Variants in DNAAF11 observed in about 807,000 individuals in gnomAD.
DNAAF11 encodes dynein axonemal assembly factor 11, also known as leucine rich repeat containing 6.
DNAAF11 carries 45 observed loss-of-function variants against 60.8 expected under a neutral mutation model. The observed-to-expected ratio is 0.74, with a 90% CI of 0.58 to 0.95. The LOEUF is 0.95. DNAAF11 is among the 40% of genes least tolerant of loss of function. DNAAF11 has a pLI of 0.00. For synonymous variants in DNAAF11, 191 were observed against 183.5 expected, an observed-to-expected ratio of 1.04 and a Z score of -0.33; for missense variants, 546 against 546.2, an observed-to-expected ratio of 1.00 and a Z score of 0.00.
intron 5 of DNAAF11, among the ~76,000 whole-genome samples, chr8:132,631,626 G>A (rs1396365667): frequency 6.6e-6 from 1 of 152,152 alleles, no homozygotes; most frequent in Admixed American, 6.6e-5. Flanking sequence ...ACACGCACCA[G>A]CTTCAGGATA....
At chr8:132,669,539 A>G (rs1001836775) in intron 1 of DNAAF11, among the ~76,000 whole-genome samples, 16 of 152,210 alleles carry the variant, frequency 1.1e-4, no homozygotes, top group Admixed American at 2.0e-4. Context: ...GCTAAACACA[A>G]CTGATCAGGA....
Position 132,610,228 on chromosome 8 carries a change from G to T in DNAAF11, c.1078C>A (p.Pro360Thr), listed in dbSNP as rs377333737. The change falls in exon 10 of 12, where the codon CCC (proline) becomes ACC (threonine). Residue 360 changes from proline to threonine, a missense_variant. Transcript: ENST00000620350. ...GATCTTTTAGCAGAACTACTATCGGGTTTCACTTCTGCAGGAAGGACAAGC... is the reference window on the plus strand; with the variant it reads ...GATCTTTTAGCAGAACTACTATCGGTTTTCACTTCTGCAGGAAGGACAAGC... ...FQLVLPAEVK[P>T]DSSSAKRSQT... 2 of 1,613,708 alleles carry T rather than the reference G, an allele frequency of 1.2e-6. No individual in the cohort carries two copies. Among genetic ancestry groups the T allele is most frequent in the East Asian group, 2.2e-5 (1 of 44,880 alleles).
the DNAAF11 span, among the ~76,000 whole-genome samples, chr8:132,701,221 G>A: frequency 6.6e-6 from 1 of 152,074 alleles, no homozygotes; most frequent in Admixed American, 6.6e-5. Flanking sequence ...CATAGCACTG[G>A]GATACAGAAC....
chr8:132,698,734 G>A, the DNAAF11 span, among the ~76,000 whole-genome samples: 1 of 151,920 alleles, frequency 6.6e-6, no homozygotes, highest in Non-Finnish European at 1.5e-5. Flanking sequence ...AGAACAGAGA[G>A]GAACCAAGAA....
intron 1 of DNAAF11, among the ~76,000 whole-genome samples, chr8:132,674,037 C>CAGGAGGAGG (rs1825444669): frequency 7.8e-6 from 1 of 128,318 alleles, no homozygotes; most frequent in African/African-American, 3.1e-5. Flanking sequence ...GCAGGAGGAG[C>CAGGAGGAGG]AGGAGCAGAA....
chr8:132,702,767 G>T, the DNAAF11 span, among the ~76,000 whole-genome samples: 20,939 of 152,082 alleles, frequency 0.14, 4,114 homozygotes, highest in African/African-American at 0.44. Flanking sequence ...GAAATCGCTT[G>T]TCCAAAGTGA....
intron 11 of DNAAF11, among the ~76,000 whole-genome samples, chr8:132,579,082 G>C (rs1815056676): frequency 6.6e-6 from 1 of 152,240 alleles, no homozygotes; most frequent in Non-Finnish European, 1.5e-5. Flanking sequence ...TACAGCAGCT[G>C]TTGGTTAAAA....
the DNAAF11 span, among the ~76,000 whole-genome samples, chr8:132,698,427 T>C: frequency 6.6e-6 from 1 of 152,206 alleles, no homozygotes; most frequent in Non-Finnish European, 1.5e-5. Flanking sequence ...CCAGGGTTTC[T>C]ATGCTGACTC....
In DNAAF11 at chr8:132,622,705, G is replaced by A; in HGVS notation, c.837-17C>T. The A allele has an allele frequency of 1.3e-6, 2 of 1,566,370 alleles. No individual in the cohort carries two copies. The highest frequency in any genetic ancestry group is 1.4e-5 in the African/African-American group (1 of 74,000). Reference sequence around the variant, plus strand: ...TTTTTTTCACTTAAGATTGGTGGTGGATGAGAACAATGGGCAGCATGGAAA... The same window carrying A: ...TTTTTTTCACTTAAGATTGGTGGTGAATGAGAACAATGGGCAGCATGGAAA... On this transcript the variant is annotated splice_polypyrimidine_tract_variant and intron_variant, in intron 6 of 11. Coordinates refer to ENST00000620350, the MANE Select transcript of DNAAF11 (RefSeq NM_012472.6).
chr8:132,662,533 A>G (rs1402875624), intron 1 of DNAAF11, among the ~76,000 whole-genome samples: 1 of 152,184 alleles, frequency 6.6e-6, no homozygotes, highest in Non-Finnish European at 1.5e-5. Flanking sequence ...ACCCCAGGAG[A>G]TAATAAAGAC....
chr8:132,622,372 A>G (rs541355969), intron 7 of DNAAF11, among the ~76,000 whole-genome samples: 2 of 152,330 alleles, frequency 1.3e-5, no homozygotes, highest in East Asian at 1.9e-4. Flanking sequence ...TACATAAATA[A>G]CTAAGATCTC....
At chr8:132,616,889 C>A (rs1819215056) in intron 7 of DNAAF11, among the ~76,000 whole-genome samples, 1 of 152,138 alleles carries the variant, frequency 6.6e-6, no homozygotes, top group South Asian at 2.1e-4. Context: ...AGACCCTATT[C>A]CTATGTCCTT....
At chr8:132,583,037 A>T (rs1240554808) in intron 11 of DNAAF11, among the ~76,000 whole-genome samples, 1 of 152,196 alleles carries the variant, frequency 6.6e-6, no homozygotes, top group African/African-American at 2.4e-5. Context: ...TAGGAATCAA[A>T]GAGAGACAGA....
intron 8 of DNAAF11, among the ~76,000 whole-genome samples, chr8:132,611,792 CT>C (rs1351300002): frequency 1.3e-5 from 2 of 152,088 alleles, no homozygotes; most frequent in African/African-American, 4.8e-5. Flanking sequence ...TGCAGCTGCC[CT>C]AATACTATCT....
At chr8:132,653,407 A>G (rs1823225203) in intron 3 of DNAAF11, among the ~76,000 whole-genome samples, 1 of 152,116 alleles carries the variant, frequency 6.6e-6, no homozygotes, top group Non-Finnish European at 1.5e-5. Flanking sequence ...TTTTAGGCTG[A>G]AATGAAAAGA....
At chr8:132,652,188 G>A (rs1823085534) in intron 3 of DNAAF11, among the ~76,000 whole-genome samples, 1 of 152,172 alleles carries the variant, frequency 6.6e-6, no homozygotes, top group African/African-American at 2.4e-5. Flanking sequence ...ACTCTAAAGT[G>A]AAGTCTGCTA....
rs1179838062 is a variant in DNAAF11 at position 132,600,017 on chromosome 8, G to A, written c.1140+10149C>T. Among the ~76,000 whole-genome samples the A allele has an allele frequency of 2.0e-5, 3 of 148,688 alleles. No individual in the cohort carries two copies. In the East Asian group the frequency reaches 5.9e-4, roughly 29 times the overall value. Reference sequence around the variant, plus strand: ...TGCAGATAACATGATTGTATATTTAGAAAACCCCATCATCTCAGCCCAAAA... The same window carrying A: ...TGCAGATAACATGATTGTATATTTAAAAAACCCCATCATCTCAGCCCAAAA... On this transcript the variant is annotated intron_variant, in intron 10 of 11. Coordinates refer to ENST00000620350, the MANE Select transcript of DNAAF11 (RefSeq NM_012472.6).
intron 10 of DNAAF11, among the ~76,000 whole-genome samples, chr8:132,603,068 G>A (rs181206186): frequency 6.6e-6 from 1 of 152,220 alleles, no homozygotes; most frequent in Admixed American, 6.6e-5. Flanking sequence ...GACATTAGTT[G>A]TTTTCTTCCC....
chr8:132,641,310 T>C (rs1821831090), intron 3 of DNAAF11, among the ~76,000 whole-genome samples: 1 of 152,232 alleles, frequency 6.6e-6, no homozygotes, highest in Non-Finnish European at 1.5e-5. Context: ...AGATACTCTC[T>C]AACATACGTA....
Sources: gnomAD v4.1 joint callset for allele counts (sites outside exome capture counted in the v4.1 genomes callset) on GRCh38, gnomAD v4.1.1 for gene constraint, MANE v1.5 for transcripts, NCBI Gene and HGNC (gene_info 2026-07-23, HGNC 2026-07-21) for gene names.